The following ATG10 variants were observed in gnomAD, a reference collection of about 807,000 sequenced individuals.
The protein encoded by ATG10 is ubiquitin-like-conjugating enzyme ATG10.
Under a neutral mutation model 32.1 loss-of-function variants are expected in ATG10, and 30 were observed. That is an observed-to-expected ratio of 0.94 (90% CI 0.70 to 1.27). ATG10 has a LOEUF of 1.27. Among genes scored for constraint, ATG10 ranks in the 50% most tolerant of loss-of-function variants. The pLI is 0.00. For missense variants in ATG10, 233 were observed against 262.3 expected (o/e 0.89, Z 0.77); for synonymous variants, 87 against 91.5 (o/e 0.95, Z 0.28).
chr5:82,009,463 A>C, intron 2 of ATG10: 1 of 663,784 alleles, frequency 1.5e-6, no homozygotes, highest in South Asian at 1.9e-5. Flanking sequence ...GGAACAAGGA[A>C]AACATGGAAC....
At chr5:82,193,847 G>C (rs1744753969) in intron 5 of ATG10, among the ~76,000 whole-genome samples, 1 of 152,188 alleles carries the variant, frequency 6.6e-6, no homozygotes, top group African/African-American at 2.4e-5. Context: ...ATAAAGAATA[G>C]AAAGGCTAAA....
At position 82,252,591 on chromosome 5, in the gene ATG10, T is replaced by C; in HGVS notation, c.483T>C (p.Phe161=). 6.2e-7 allele frequency: 1 copy of C among 1,609,872 alleles called. No homozygotes were observed. The highest frequency in any genetic ancestry group is 8.5e-7 in the Non-Finnish European group (1 of 1,177,738). Residue 161 remains phenylalanine, a synonymous_variant, in exon 6 of 8, where the codon TTT becomes TTC. Transcript: ENST00000282185. ...QEHPILGQPF[F]VLHPCKTNEF... is the part of the protein sequence containing the mutation. ...ATCCAATACTTGGGCAACCCTTTTT[T>C]GTACTTCATCCCTGCAAGACGAATG...
intron 5 of ATG10, among the ~76,000 whole-genome samples, chr5:82,217,906 G>A (rs1281037991): frequency 6.6e-6 from 1 of 151,946 alleles, no homozygotes; most frequent in Non-Finnish European, 1.5e-5. Flanking sequence ...GACCCCAGGA[G>A]GTCAAGGCTG....
chr5:82,003,396 G>T (rs1009225714), intron 2 of ATG10, among the ~76,000 whole-genome samples: 1 of 152,130 alleles, frequency 6.6e-6, no homozygotes, highest in Non-Finnish European at 1.5e-5. Context: ...GGGAAGAAGT[G>T]TACAAACTCC....
intron 3 of ATG10, among the ~76,000 whole-genome samples, chr5:82,119,993 T>A (rs911956705): frequency 7.9e-6 from 1 of 127,194 alleles, no homozygotes; most frequent in African/African-American, 3.6e-5. Context: ...ATTGTGTGTG[T>A]GTGTGTGTGT....
chr5:82,193,356 T>G (rs1321346863), intron 5 of ATG10, among the ~76,000 whole-genome samples: 2 of 152,230 alleles, frequency 1.3e-5, no homozygotes, highest in East Asian at 3.8e-4. Flanking sequence ...GCTCATTTTC[T>G]GACAGATTTT....
intron 5 of ATG10, among the ~76,000 whole-genome samples, chr5:82,214,736 G>A (rs1314936690): frequency 6.6e-6 from 1 of 152,176 alleles, no homozygotes; most frequent in Non-Finnish European, 1.5e-5. Flanking sequence ...ATCTCTCAAG[G>A]TGGAGGGACT....
At chr5:82,176,082 G>T (rs953275365) in intron 4 of ATG10, among the ~76,000 whole-genome samples, 1 of 152,096 alleles carries the variant, frequency 6.6e-6, no homozygotes. Flanking sequence ...ATTGTTGCCT[G>T]AAATACTTTA....
At chr5:82,010,047 G>T (rs1762086775) in intron 2 of ATG10, 1 of 1,611,042 alleles carries the variant, frequency 6.2e-7, no homozygotes, top group Admixed American at 1.7e-5. Flanking sequence ...GCGGCCCAAG[G>T]GCTCGCCATC....
chr5:82,040,388 T>C (rs1273406856), intron 2 of ATG10, among the ~76,000 whole-genome samples: 8 of 152,206 alleles, frequency 5.3e-5, no homozygotes, highest in Admixed American at 5.2e-4. Context: ...AGTCCTGGCA[T>C]AGGTGCAGTG....
chr5:81,991,734 G>A (rs541368974), intron 2 of ATG10, among the ~76,000 whole-genome samples: 18 of 151,878 alleles, frequency 1.2e-4, no homozygotes, highest in Middle Eastern at 6.9e-3. Context: ...GACGGAGGTT[G>A]CAGTGAGCCA....
At chr5:82,154,719 G>C (rs1767741738) in intron 3 of ATG10, among the ~76,000 whole-genome samples, 1 of 152,288 alleles carries the variant, frequency 6.6e-6, no homozygotes, top group South Asian at 2.1e-4. Context: ...AAATATTATA[G>C]TATTATTTAA....
Position 82,210,422 on chromosome 5 carries a change from AC to A in ATG10, c.453+31836del, listed in dbSNP as rs763903061. 2.7e-3 allele frequency among the ~76,000 whole-genome samples: 405 copies of A among 152,260 alleles called. 1 individual carries two copies. The highest frequency in any genetic ancestry group is 4.6e-3 in the Admixed American group (70 of 15,302). On this transcript the variant is annotated intron_variant, in intron 5 of 7. Coordinates refer to ENST00000282185, the MANE Select transcript of ATG10 (RefSeq NM_031482.5). The stretch of plus-strand genomic sequence containing the variant: ...GAGCTGATCTGTTTCCAATACCCTT[AC>A]TTTTGAAGTGTAGTCTTTCCAAATC...
chr5:82,246,535 GAAAAAAAGA>G (rs1561377355), intron 5 of ATG10, among the ~76,000 whole-genome samples: 1 of 141,306 alleles, frequency 7.1e-6, no homozygotes, highest in African/African-American at 2.5e-5. Context: ...AAAAAAAAAA[GAAAAAAAGA>G]AAAAAAATTA....
At chr5:82,164,588 G>A in intron 4 of ATG10, 51 bp downstream of exon 4, 2 of 1,491,144 alleles carry the variant, frequency 1.3e-6, no homozygotes, top group Non-Finnish European at 1.8e-6. Context: ...TACATATAAA[G>A]CAAAAAGCAT....
intron 3 of ATG10, among the ~76,000 whole-genome samples, chr5:82,141,707 T>A (rs909474685): frequency 4.6e-5 from 7 of 152,132 alleles, no homozygotes; most frequent in African/African-American, 1.7e-4. Context: ...GATTTAGGAA[T>A]TTTGTTCCTT....
At chr5:82,033,094 C>A (rs1431529283) in intron 2 of ATG10, among the ~76,000 whole-genome samples, 1 of 152,176 alleles carries the variant, frequency 6.6e-6, no homozygotes, top group South Asian at 2.1e-4. Context: ...CTTCTACCAG[C>A]TTTTTAAAAT....
At chr5:82,067,339 C>CA (rs1384671577) in intron 3 of ATG10, among the ~76,000 whole-genome samples, 1 of 152,094 alleles carries the variant, frequency 6.6e-6, no homozygotes, top group Non-Finnish European at 1.5e-5. Context: ...ATTTATTATA[C>CA]AAACTATATT....
At chr5:82,036,051 A>T (rs886928334) in intron 2 of ATG10, among the ~76,000 whole-genome samples, 5 of 151,992 alleles carry the variant, frequency 3.3e-5, no homozygotes, top group Non-Finnish European at 5.9e-5. Flanking sequence ...TAATTTTTGT[A>T]TTTAGGGTTT....
Sources: gnomAD v4.1 joint callset for allele counts (sites outside exome capture counted in the v4.1 genomes callset) on GRCh38, gnomAD v4.1.1 for gene constraint, MANE v1.5 for transcripts, NCBI Gene and HGNC (gene_info 2026-07-23, HGNC 2026-07-21) for gene names.